LMO3: variants seen among roughly 807,000 people sequenced by gnomAD.
The protein encoded by LMO3 is LIM domain only 3, also known as LIM domain only protein 3.
Under a neutral mutation model 15.8 loss-of-function variants are expected in LMO3, and 2 were observed. The observed-to-expected ratio is 0.13, with a 90% confidence interval of 0.05 to 0.40. The LOEUF (loss-of-function observed/expected upper bound fraction) is 0.40. LMO3 is among the 10% of genes least tolerant of loss of function. The pLI, the probability that LMO3 is intolerant of heterozygous loss-of-function variation, is 0.99. For missense variants in LMO3, 86 were observed against 182.2 expected (o/e 0.47, Z 3.04); for synonymous variants, 62 against 63.8 (o/e 0.97, Z 0.13).
rs1296420764 is a variant in LMO3, at chr12:16,604,991, C to A, written c.-9+1075G>T. ...CTCCTTGATTTCGCTTAAGTGTGGA[C>A]CTGGTGCGCAGCCTACACCGCCGAG... On this transcript the variant is annotated intron_variant, in intron 1 of 3. Coordinates refer to ENST00000537304, the MANE Select transcript of LMO3 (RefSeq NM_018640.5). The surrounding 1 kb of genome is among the most constrained non-coding windows in gnomAD (Gnocchi z 5.3). 1.7e-5 allele frequency: 27 copies of A among 1,595,382 alleles called. No homozygotes were observed. In the Admixed American group the frequency reaches 1.8e-4, roughly 11 times the overall value.
intron 3 of LMO3, among the ~76,000 whole-genome samples, chr12:16,557,767 A>T (rs1223521368): frequency 6.6e-6 from 1 of 152,072 alleles, no homozygotes; most frequent in Admixed American, 6.6e-5. Context: ...GAGAGGTATT[A>T]GTGTTTCTAT....
chr12:16,591,684 A>G lies in LMO3; in HGVS notation c.206+8971T>C, dbSNP rs1420823265. ...GATAAGCATTTTGCAAGGGGTGTCA[A>G]TTATTGATAACTTACTGATATCTGT... On this transcript the variant is annotated intron_variant, in intron 2 of 3. Coordinates refer to ENST00000537304, the MANE Select transcript of LMO3 (RefSeq NM_018640.5). This position sits in a 1 kb window ranked among gnomAD's most constrained non-coding sequence, Gnocchi z 4.1. 6.6e-6 allele frequency among the ~76,000 whole-genome samples: 1 copy of G among 152,038 alleles called. No individual in the cohort carries two copies. Among genetic ancestry groups the G allele is most frequent in the African/African-American group, 2.4e-5 (1 of 41,434 alleles).
intron 3 of LMO3, among the ~76,000 whole-genome samples, chr12:16,552,362 C>G (rs1942021796): frequency 6.6e-6 from 1 of 151,962 alleles, no homozygotes; most frequent in South Asian, 2.1e-4. Flanking sequence ...ATCAGATAGT[C>G]AATTTCAAAT....
intron 2 of LMO3, among the ~76,000 whole-genome samples, chr12:16,575,642 C>G (rs564360704): frequency 6.6e-6 from 1 of 152,084 alleles, no homozygotes; most frequent in African/African-American, 2.4e-5. Flanking sequence ...TGTAATACAC[C>G]CAGCGTCACA....
chr12:16,575,149 A>T (rs892988085), intron 2 of LMO3, among the ~76,000 whole-genome samples: 2 of 152,226 alleles, frequency 1.3e-5, no homozygotes, highest in Non-Finnish European at 2.9e-5. Context: ...ACTTAACATT[A>T]TGATGTCCGT....
At chr12:16,605,439 C>T (rs1237534587) in intron 1 of LMO3, 5 of 644,878 alleles carry the variant, frequency 7.8e-6, no homozygotes, top group Non-Finnish European at 9.0e-6. Context: ...CCCGCCTGCC[C>T]CCCCCCCCCG....
intron 2 of LMO3, among the ~76,000 whole-genome samples, chr12:16,572,339 C>CTTTTTTTT (rs59773866): frequency 8.3e-4 from 74 of 89,530 alleles, no homozygotes; most frequent in East Asian, 1.1e-3. Context: ...GGTCCAAACT[C>CTTTTTTTT]TTTTTTTTTT....
chr12:16,551,825 C>G (rs1168371648), intron 3 of LMO3, among the ~76,000 whole-genome samples: 6 of 151,942 alleles, frequency 3.9e-5, no homozygotes, highest in African/African-American at 9.7e-5. Context: ...TTCTTTTACT[C>G]TGTTATTAAA....
Position 16,550,908 on chromosome 12 carries a change from C to G in LMO3, c.*314G>C. On this transcript the variant is annotated 3_prime_UTR_variant, in exon 4 of 4. Coordinates refer to ENST00000537304, the MANE Select transcript of LMO3 (RefSeq NM_018640.5). ...ACAATAAAACTGTATTACATTTGTGCTTCAAATATTACAATACATTATATA... is the reference window on the plus strand; with the variant it reads ...ACAATAAAACTGTATTACATTTGTGGTTCAAATATTACAATACATTATATA... 1 of 221,818 alleles carries G rather than the reference C, an allele frequency of 4.5e-6. No individual in the cohort carries two copies. The highest frequency in any genetic ancestry group is 9.0e-6 in the Non-Finnish European group (1 of 111,390). The allele number at this position is 221,818 out of a possible 1,614,324, so 13.7% of individuals were successfully genotyped here.
chr12:16,582,953 AG>A lies in LMO3; in HGVS notation c.206+17701del, dbSNP rs1341134421. ...TCCCAGCTACTCAGGAGGCTAATGC[AG>A]GAAAATCTCTTGAAGCTGGGAGGCA... On this transcript the variant is annotated intron_variant, in intron 2 of 3. Coordinates refer to ENST00000537304, the MANE Select transcript of LMO3 (RefSeq NM_018640.5). The surrounding 1 kb of genome is among the most constrained non-coding windows in gnomAD (Gnocchi z 4.1). Among the ~76,000 whole-genome samples the A allele has an allele frequency of 6.6e-6, 1 of 150,932 alleles. No individual in the cohort carries two copies. The highest frequency in any genetic ancestry group is 6.7e-5 in the Admixed American group (1 of 15,012).
chr12:16,561,799 T>G (rs16912030), intron 2 of LMO3, among the ~76,000 whole-genome samples: 1 of 152,044 alleles, frequency 6.6e-6, no homozygotes, highest in South Asian at 2.1e-4. Context: ...GTGCAATGAA[T>G]GTTTATGCTC....
At chr12:16,577,769 C>A (rs1403977010) in intron 2 of LMO3, among the ~76,000 whole-genome samples, 1 of 152,162 alleles carries the variant, frequency 6.6e-6, no homozygotes, top group Admixed American at 6.5e-5. Flanking sequence ...ATGGCTCCAT[C>A]TCACCAACAT....
Position 16,576,484 on chromosome 12 carries a change from C to T in LMO3, c.207-15946G>A, listed in dbSNP as rs991646443. On this transcript the variant is annotated intron_variant, in intron 2 of 3. Coordinates refer to ENST00000537304, the MANE Select transcript of LMO3 (RefSeq NM_018640.5). The surrounding 1 kb of genome is among the most constrained non-coding windows in gnomAD (Gnocchi z 4.1). ...TCAAATGTCAATGGATCTATGAAGC[C>T]TCTCTGATTTCCTTGAGGCAGAATA... 1.3e-5 allele frequency among the ~76,000 whole-genome samples: 2 copies of T among 152,134 alleles called. No individual in the cohort carries two copies. Among genetic ancestry groups the T allele is most frequent in the African/African-American group, 4.8e-5 (2 of 41,426 alleles).
intron 2 of LMO3, among the ~76,000 whole-genome samples, chr12:16,572,066 A>G (rs1204318271): frequency 6.6e-6 from 1 of 152,014 alleles, no homozygotes; most frequent in Non-Finnish European, 1.5e-5. Context: ...TAAGAAATTA[A>G]CAAAAGGAAA....
rs1379399897 is a variant in LMO3, at chr12:16,549,904, G to A, written c.*1318C>T. ...GTAGTACTATTTCACCTTAAAAAAT[G>A]GAAAGACAAATTTCAGCCTAAGAAT... On this transcript the variant is annotated 3_prime_UTR_variant, in exon 4 of 4. Transcript: ENST00000537304. The A allele has an allele frequency of 6.6e-6, 1 of 152,002 alleles. No individual in the cohort carries two copies. Among genetic ancestry groups the A allele is most frequent in the African/African-American group, 2.4e-5 (1 of 41,428 alleles). 9.4% of individuals were successfully genotyped at this position (152,002 alleles called of 1,614,324 possible). A position where few individuals can be genotyped will look rare whatever the true frequency, so the allele number is the denominator to read the frequency against.
At chr12:16,553,444 A>T (rs1287777222) in intron 3 of LMO3, among the ~76,000 whole-genome samples, 1 of 152,114 alleles carries the variant, frequency 6.6e-6, no homozygotes, top group East Asian at 1.9e-4. Context: ...CTACTATTCA[A>T]TTAAGTGGTA....
At chr12:16,561,886 G>A (rs1321494929) in intron 2 of LMO3, among the ~76,000 whole-genome samples, 2 of 152,260 alleles carry the variant, frequency 1.3e-5, no homozygotes, top group African/African-American at 4.8e-5. Context: ...TAAAGACTTT[G>A]CTAACATAGT....
Position 16,589,918 on chromosome 12 carries a change from T to G in LMO3, c.206+10737A>C, listed in dbSNP as rs1943438259. 6.6e-6 allele frequency among the ~76,000 whole-genome samples: 1 copy of G among 152,106 alleles called. No individual in the cohort carries two copies. Among genetic ancestry groups the G allele is most frequent in the Admixed American group, 6.6e-5 (1 of 15,256 alleles). On this transcript the variant is annotated intron_variant, in intron 2 of 3. Transcript: ENST00000537304. This position sits in a 1 kb window ranked among gnomAD's most constrained non-coding sequence, Gnocchi z 4.2. ...TCTCTGGCTACTGTCTCCGTCTAGC[T>G]TTCTGGGAAGTATGTGTTGGATTTT...
intron 2 of LMO3, among the ~76,000 whole-genome samples, chr12:16,571,373 C>A (rs1942807708): frequency 6.6e-6 from 1 of 152,070 alleles, no homozygotes; most frequent in Non-Finnish European, 1.5e-5. Flanking sequence ...TTCTGCAAAG[C>A]AAATTTAATA....
Sources: allele counts gnomAD v4.1 joint callset (sites outside exome capture counted in the v4.1 genomes callset), GRCh38; gene constraint gnomAD v4.1.1; non-coding constraint Gnocchi (gnomAD v3.1); transcripts MANE v1.5; gene names NCBI Gene and HGNC (gene_info 2026-07-23, HGNC 2026-07-21).